CNTN5: variants seen among roughly 807,000 people sequenced by gnomAD.
CNTN5 encodes the protein contactin 5.
A neutral mutation model predicts 129.1 loss-of-function variants in CNTN5; 77 were observed. The observed-to-expected ratio is 0.60, with a 90% CI of 0.50 to 0.72. The LOEUF is 0.72. Ranked by LOEUF, CNTN5 falls within the 30% of genes least tolerant of loss-of-function variation. CNTN5 has a pLI of 0.00. For missense variants in CNTN5, 1,478 were observed against 1,328.8 expected, an observed-to-expected ratio of 1.11 and a Z score of -1.75; for synonymous variants, 509 against 465.6, an observed-to-expected ratio of 1.09 and a Z score of -1.20.
intron 18 of CNTN5, among the ~76,000 whole-genome samples, chr11:100,292,998 C>T (rs1029073785): frequency 7.2e-5 from 11 of 151,806 alleles, no homozygotes; most frequent in East Asian, 1.9e-4. Context: ...AGAAAATTCC[C>T]TTGAGTTCAA....
chr11:99,500,890 A>G (rs1008224814), intron 2 of CNTN5, among the ~76,000 whole-genome samples: 2 of 152,186 alleles, frequency 1.3e-5, no homozygotes, highest in African/African-American at 4.8e-5. Context: ...ATGTTTCAAA[A>G]ATTTATACTC....
chr11:99,975,677 A>T (rs558909569), intron 8 of CNTN5, among the ~76,000 whole-genome samples: 6 of 152,190 alleles, frequency 3.9e-5, no homozygotes, highest in African/African-American at 1.4e-4. Context: ...CACCTTTGAA[A>T]TATCAGATCT....
At chr11:99,781,146 A>G (rs570611926) in intron 3 of CNTN5, among the ~76,000 whole-genome samples, 51 of 152,112 alleles carry the variant, frequency 3.4e-4, no homozygotes, top group Non-Finnish European at 5.9e-4. Flanking sequence ...ATCAAATAGC[A>G]CACACACATT....
At chr11:99,046,915 A>G (rs1864234055) in intron 1 of CNTN5, among the ~76,000 whole-genome samples, 1 of 152,078 alleles carries the variant, frequency 6.6e-6, no homozygotes, top group Non-Finnish European at 1.5e-5. Flanking sequence ...GAAGTCCCTT[A>G]TTTTATCTCA....
At chr11:99,320,910 A>C (rs1474680896) in intron 1 of CNTN5, among the ~76,000 whole-genome samples, 1 of 152,132 alleles carries the variant, frequency 6.6e-6, no homozygotes, top group Non-Finnish European at 1.5e-5. Flanking sequence ...GGCTCTCCCT[A>C]GTGAGAGTGG....
At chr11:99,667,677 C>T (rs534254167) in intron 3 of CNTN5, among the ~76,000 whole-genome samples, 4 of 152,254 alleles carry the variant, frequency 2.6e-5, no homozygotes, top group South Asian at 2.1e-4. Context: ...CCATCATCCT[C>T]GGCAAACTAA....
intron 1 of CNTN5, among the ~76,000 whole-genome samples, chr11:99,259,838 T>TA (rs1862547740): frequency 6.6e-6 from 1 of 151,924 alleles, no homozygotes; most frequent in African/African-American, 2.4e-5. Flanking sequence ...TCATGTGGTA[T>TA]AAAAACAATA....
chr11:99,095,568 C>G (rs1338213924), intron 1 of CNTN5, among the ~76,000 whole-genome samples: 1 of 151,798 alleles, frequency 6.6e-6, no homozygotes, highest in African/African-American at 2.4e-5. Context: ...AAAATCACCA[C>G]TAAGATAAAC....
chr11:99,226,841 C>T (rs559746005), intron 1 of CNTN5, among the ~76,000 whole-genome samples: 96 of 152,218 alleles, frequency 6.3e-4, no homozygotes, highest in African/African-American at 2.1e-3. Context: ...AAACAGAGCT[C>T]CATGCTAACA....
intron 3 of CNTN5, among the ~76,000 whole-genome samples, chr11:99,719,073 C>A (rs1352735953): frequency 6.6e-6 from 1 of 152,050 alleles, no homozygotes. Context: ...AATTCCAGCA[C>A]TTTGGGAGGC....
At chr11:100,125,443 A>T (rs2138183193) in intron 13 of CNTN5, among the ~76,000 whole-genome samples, 1 of 152,102 alleles carries the variant, frequency 6.6e-6, no homozygotes, top group South Asian at 2.1e-4. Flanking sequence ...TACTTCGTTA[A>T]TTCACTTAGT....
At chr11:99,895,857 G>A (rs939791632) in intron 6 of CNTN5, among the ~76,000 whole-genome samples, 6 of 152,134 alleles carry the variant, frequency 3.9e-5, no homozygotes, top group African/African-American at 1.4e-4. Context: ...GCCCCACTGA[G>A]AAAGGAGACA....
At chr11:99,882,764 G>T (rs930355201) in intron 6 of CNTN5, among the ~76,000 whole-genome samples, 4 of 151,938 alleles carry the variant, frequency 2.6e-5, no homozygotes, top group Admixed American at 1.3e-4. Context: ...ATTATTATTC[G>T]CTATAGTTAG....
intron 3 of CNTN5, among the ~76,000 whole-genome samples, chr11:99,770,148 G>A (rs1293391056): frequency 2.6e-5 from 4 of 152,062 alleles, no homozygotes; most frequent in Non-Finnish European, 5.9e-5. Context: ...TTTTCTGTGT[G>A]ATAATGCTAA....
At chr11:100,284,999 C>T (rs1238053699) in intron 18 of CNTN5, among the ~76,000 whole-genome samples, 1 of 152,166 alleles carries the variant, frequency 6.6e-6, no homozygotes, top group Non-Finnish European at 1.5e-5. Flanking sequence ...GAATTTCTCA[C>T]TCATAAAATG....
chr11:99,060,789 G>C (rs970087970), intron 1 of CNTN5, among the ~76,000 whole-genome samples: 1 of 151,988 alleles, frequency 6.6e-6, no homozygotes, highest in African/African-American at 2.4e-5. Flanking sequence ...TTCCCAAATA[G>C]TAGTATATTA....
chr11:99,345,871 A>C (rs746201014), intron 2 of CNTN5, among the ~76,000 whole-genome samples: 2 of 152,178 alleles, frequency 1.3e-5, no homozygotes, highest in Non-Finnish European at 2.9e-5. Flanking sequence ...TTTTTCCCAA[A>C]GGTAAGAGTA....
At chr11:99,423,625 T>C (rs1942992297) in intron 2 of CNTN5, among the ~76,000 whole-genome samples, 2 of 152,230 alleles carry the variant, frequency 1.3e-5, no homozygotes, top group Non-Finnish European at 2.9e-5. Flanking sequence ...ATTCTAGTAA[T>C]ACCTACATTA....
intron 3 of CNTN5, among the ~76,000 whole-genome samples, chr11:99,705,232 A>G (rs1179595033): frequency 1.3e-5 from 2 of 151,306 alleles, no homozygotes; most frequent in Non-Finnish European, 3.0e-5. Context: ...TACTCCCTTT[A>G]TAAGTCCTTC....
Sources: gnomAD v4.1 joint callset for allele counts (sites outside exome capture counted in the v4.1 genomes callset) on GRCh38, gnomAD v4.1.1 for gene constraint, MANE v1.5 for transcripts, NCBI Gene and HGNC (gene_info 2026-07-23, HGNC 2026-07-21) for gene names.